Variants in TNNT2 observed in about 807,000 individuals in gnomAD.
TNNT2 encodes troponin T, cardiac muscle.
In TNNT2, 34 loss-of-function variants were observed where a neutral mutation model predicts 62.4. The observed-to-expected ratio is 0.54, with a 90% CI of 0.41 to 0.72. The LOEUF is 0.72. Among genes scored for constraint, TNNT2 ranks in the 30% least tolerant of loss-of-function variants. The pLI is 0.00. For missense variants in TNNT2, 275 were observed against 381.9 expected (o/e 0.72, Z 2.33); for synonymous variants, 123 against 127.2 (o/e 0.97, Z 0.22).
chr1:201,359,915 A>C (rs796800216), intron 15 of TNNT2, among the ~76,000 whole-genome samples: 2 of 152,180 alleles, frequency 1.3e-5, no homozygotes, highest in African/African-American at 2.4e-5. Context: ...TAATAGGTTC[A>C]GGATATGAGA....
chr1:201,363,965 G>GCGACCTCGGCTCACTT (rs1659193700), intron 11 of TNNT2: 3 of 351,220 alleles, frequency 8.5e-6, no homozygotes, highest in African/African-American at 6.4e-5. Context: ...TCGGCTCACT[G>GCGACCTCGGCTCACTT]CAACCTTGCC....
At chr1:201,377,248 G>A (rs1661533042) in intron 1 of TNNT2, among the ~76,000 whole-genome samples, 1 of 152,196 alleles carries the variant, frequency 6.6e-6, no homozygotes, top group South Asian at 2.1e-4. Flanking sequence ...CTGTTGGTTA[G>A]AGCCTCATTG....
intron 8 of TNNT2, 43 bp from the exon 9 acceptor site, chr1:201,365,713 C>T: frequency 9.3e-6 from 15 of 1,608,246 alleles, no homozygotes; most frequent in Non-Finnish European, 1.3e-5. Flanking sequence ...CATTCTGGAC[C>T]CAGGGACTGA....
chr1:201,367,637 G>A, intron 7 of TNNT2, 134 bp downstream of exon 7: 1 of 1,037,762 alleles, frequency 9.6e-7, no homozygotes, highest in Non-Finnish European at 1.5e-6. Flanking sequence ...GTGCCACCAA[G>A]TTCTGTCCTC....
intron 4 of TNNT2, among the ~76,000 whole-genome samples, chr1:201,371,320 C>A (rs1184967376): frequency 1.3e-5 from 2 of 152,062 alleles, no homozygotes; most frequent in Non-Finnish European, 2.9e-5. Context: ...ATGTGGGACC[C>A]ACAGCTGAGG....
chr1:201,361,905 G>C lies in TNNT2; in HGVS notation c.719+8C>G, dbSNP rs1324914766. The C allele has an allele frequency of 2.5e-6, 4 of 1,612,406 alleles. No individual in the cohort carries two copies. The highest frequency in any genetic ancestry group is 3.4e-6 in the Non-Finnish European group (4 of 1,178,548). On this transcript the variant is annotated splice_region_variant and intron_variant, in intron 14 of 16. Transcript: ENST00000656932. Reference sequence around the variant, plus strand: ...CAGTGCCCCAGGACCATTCCTCCCAGCCCCCACCTCAGCTGATCTTCATTC... The same window carrying C: ...CAGTGCCCCAGGACCATTCCTCCCACCCCCCACCTCAGCTGATCTTCATTC...
In TNNT2 at chr1:201,367,669, T is replaced by G. The variant is rs1158900899; in HGVS notation, c.199+102A>C. 3.0e-6 allele frequency: 4 copies of G among 1,317,118 alleles called. No homozygotes were observed. In the East Asian group the frequency reaches 6.9e-5, roughly 23 times the overall value. The allele number at this position is 1,317,118 out of a possible 1,614,324, so 81.6% of individuals were successfully genotyped here. A position where few individuals can be genotyped will look rare whatever the true frequency, so the allele number is the denominator to read the frequency against. ...CCTCTCCTCTCCCAAACCCTCTCAG[T>G]GCACATCCACTTCCCTGGAAAGAGC... On this transcript the variant is annotated intron_variant, in intron 7 of 16. Coordinates refer to ENST00000656932, the MANE Select transcript of TNNT2 (RefSeq NM_001276345.2).
chr1:201,367,374 C>A (rs1053419009), intron 7 of TNNT2: 2 of 397,248 alleles, frequency 5.0e-6, no homozygotes, highest in Non-Finnish European at 4.7e-6. Flanking sequence ...GTGAAGGCTG[C>A]AGCATGACGA....
At chr1:201,364,148 T>C (rs1336569805) in intron 11 of TNNT2, 150 bp downstream of exon 11, 4 of 811,258 alleles carry the variant, frequency 4.9e-6, no homozygotes, top group Non-Finnish European at 7.9e-6. Context: ...CCTCCCAAAG[T>C]GCTGGGATTA....
At chr1:201,365,122 G>T in intron 10 of TNNT2, 69 bp downstream of exon 10, 1 of 1,327,526 alleles carries the variant, frequency 7.5e-7, no homozygotes, top group South Asian at 1.2e-5. Flanking sequence ...AGGAGGTGGG[G>T]CCTCACAAAA....
At chr1:201,365,141 G>T in intron 10 of TNNT2, 50 bp downstream of exon 10, 2 of 1,489,132 alleles carry the variant, frequency 1.3e-6, no homozygotes, top group Non-Finnish European at 1.9e-6. Flanking sequence ...AAGGGATGGA[G>T]GACAGACTGG....
At chr1:201,369,995 T>A in intron 4 of TNNT2, 150 bp from the exon 5 acceptor site, 1 of 825,814 alleles carries the variant, frequency 1.2e-6, no homozygotes, top group Non-Finnish European at 2.0e-6. Flanking sequence ...CCCAAGCCAC[T>A]ACTTTCCAGC....
chr1:201,374,142 A>G (rs761740617), intron 1 of TNNT2: 3 of 152,208 alleles, frequency 2.0e-5, no homozygotes, highest in Non-Finnish European at 4.4e-5. Flanking sequence ...TTGATGTCCA[A>G]TCTTGGTTTT....
At chr1:201,366,571 G>A (rs925475274) in intron 8 of TNNT2, 34 of 1,370,074 alleles carry the variant, frequency 2.5e-5, no homozygotes, top group Middle Eastern at 2.8e-4. Flanking sequence ...GAGAGTGTCC[G>A]TTCAGGGCCC....
In TNNT2 at chr1:201,366,877, G is replaced by T; in HGVS notation, c.200-6C>A. The T allele has an allele frequency of 6.2e-7, 1 of 1,614,110 alleles. No homozygotes were observed. Among genetic ancestry groups the T allele is most frequent in the South Asian group, 1.1e-5 (1 of 91,078 alleles). ...GGACTCCTCCATTGGGCCATCTGGAGGAGATAGAAGCACACAGCCATGGGT... is the reference window on the plus strand; with the variant it reads ...GGACTCCTCCATTGGGCCATCTGGATGAGATAGAAGCACACAGCCATGGGT... On this transcript the variant is annotated splice_polypyrimidine_tract_variant and splice_region_variant and intron_variant, in intron 7 of 16. Coordinates refer to ENST00000656932, the MANE Select transcript of TNNT2 (RefSeq NM_001276345.2).
chr1:201,362,289 A>G, intron 13 of TNNT2, 97 bp downstream of exon 13: 2 of 1,562,578 alleles, frequency 1.3e-6, no homozygotes, highest in Non-Finnish European at 1.7e-6. Context: ...AGCCAGCCCA[A>G]TCTCTTCACT....
At chr1:201,360,279 G>A (rs1658369280) in intron 15 of TNNT2, among the ~76,000 whole-genome samples, 1 of 152,216 alleles carries the variant, frequency 6.6e-6, no homozygotes, top group Non-Finnish European at 1.5e-5. Flanking sequence ...TGAACCCATA[G>A]GGCTGCTATG....
chr1:201,373,540 G>T, intron 1 of TNNT2: 1 of 504,790 alleles, frequency 2.0e-6, no homozygotes, highest in Non-Finnish European at 3.6e-6. Flanking sequence ...TTCCATTTGT[G>T]ACACTCAAGA....
chr1:201,368,560 T>C (rs1355322727), intron 5 of TNNT2: 42 of 466,764 alleles, frequency 9.0e-5, no homozygotes, highest in South Asian at 6.8e-4. Flanking sequence ...GAAGCTCCTG[T>C]CCTGAACCTA....
Sources: gnomAD v4.1 joint callset for allele counts (sites outside exome capture counted in the v4.1 genomes callset) on GRCh38, gnomAD v4.1.1 for gene constraint, MANE v1.5 for transcripts, NCBI Gene and HGNC (gene_info 2026-07-23, HGNC 2026-07-21) for gene names.